MED12L: variants seen among roughly 807,000 people sequenced by gnomAD.
MED12L encodes mediator complex subunit 12L, also known as mediator of RNA polymerase II transcription subunit 12-like protein.
In MED12L, 60 loss-of-function variants were observed where a neutral mutation model predicts 281.3. The ratio of observed to expected loss-of-function variants is 0.21; its 90% CI spans 0.17 to 0.26. The LOEUF is 0.26. Among genes scored for constraint, MED12L ranks in the 10% least tolerant of loss-of-function variants. MED12L has a pLI of 1.00. For missense variants in MED12L, 2,146 were observed against 2,680.9 expected, an observed-to-expected ratio of 0.80 and a Z score of 4.41; for synonymous variants, 974 against 987.2, an observed-to-expected ratio of 0.99 and a Z score of 0.25.
intron 5 of MED12L, among the ~76,000 whole-genome samples, chr3:151,148,648 A>C (rs1381659103): frequency 1.3e-5 from 2 of 152,160 alleles, no homozygotes; most frequent in African/African-American, 4.8e-5. Context: ...TGTCAGGTGG[A>C]TCACCTTAAA....
chr3:151,296,692 C>G (rs1006478436), intron 16 of MED12L, among the ~76,000 whole-genome samples: 1 of 151,946 alleles, frequency 6.6e-6, no homozygotes, highest in Non-Finnish European at 1.5e-5. Context: ...GCCATTTAAG[C>G]ACATTTTATC....
intron 16 of MED12L, chr3:151,338,426 C>A: frequency 3.7e-6 from 6 of 1,613,986 alleles, no homozygotes; most frequent in Non-Finnish European, 5.1e-6. Flanking sequence ...GAATCTTAGC[C>A]CCCAAGAGAT....
intron 5 of MED12L, among the ~76,000 whole-genome samples, chr3:151,129,085 C>A: frequency 6.6e-6 from 1 of 152,068 alleles, no homozygotes; most frequent in East Asian, 1.9e-4. Flanking sequence ...ATAAATAATT[C>A]CTTATGAAAT....
chr3:151,309,119 GCACA>G (rs1177424724), intron 16 of MED12L, among the ~76,000 whole-genome samples: 11 of 144,318 alleles, frequency 7.6e-5, no homozygotes, highest in Admixed American at 2.0e-4. Flanking sequence ...TGAAATACAC[GCACA>G]CACACACACA....
rs1719518872 is a variant in MED12L, at chr3:151,088,063, G to T, written c.99+1038G>T. Among the ~76,000 whole-genome samples the T allele has an allele frequency of 2.0e-5, 3 of 152,148 alleles. No homozygotes were observed. The South Asian group carries it at 6.2e-4, about 32-fold the overall frequency. On this transcript the variant is annotated intron_variant, in intron 2 of 44. Transcript: ENST00000687756. ...TGGGCCCACTGATAGCACAGAAAGGGCCTTGTAAACCAGGCAAGGAGGGGT... is the reference window on the plus strand; with the variant it reads ...TGGGCCCACTGATAGCACAGAAAGGTCCTTGTAAACCAGGCAAGGAGGGGT...
intron 16 of MED12L, among the ~76,000 whole-genome samples, chr3:151,250,588 G>A (rs1736657645): frequency 6.6e-6 from 1 of 152,128 alleles, no homozygotes; most frequent in Admixed American, 6.5e-5. Context: ...CATGCATTTT[G>A]TAGCATGTGA....
chr3:151,132,736 A>T (rs1715578522), intron 5 of MED12L, among the ~76,000 whole-genome samples: 1 of 152,232 alleles, frequency 6.6e-6, no homozygotes, highest in Non-Finnish European at 1.5e-5. Flanking sequence ...CTATATGAAA[A>T]GAGCATGTTT....
intron 42 of MED12L, among the ~76,000 whole-genome samples, chr3:151,415,245 T>C (rs1717411083): frequency 1.3e-5 from 2 of 152,236 alleles, no homozygotes; most frequent in African/African-American, 4.8e-5. Flanking sequence ...AACACATTCT[T>C]CCCTGGAGAT....
intron 16 of MED12L, among the ~76,000 whole-genome samples, chr3:151,218,399 A>G (rs1017199121): frequency 6.6e-6 from 1 of 152,156 alleles, no homozygotes; most frequent in Non-Finnish European, 1.5e-5. Flanking sequence ...CAGTTTGTGT[A>G]GGTGTCTGTT....
intron 16 of MED12L, among the ~76,000 whole-genome samples, chr3:151,238,394 G>A (rs1733374115): frequency 6.6e-6 from 1 of 152,168 alleles, no homozygotes; most frequent in African/African-American, 2.4e-5. Flanking sequence ...TGATCCACCC[G>A]CCTCAGCCTC....
Position 151,381,680 on chromosome 3 carries a change from C to T in MED12L, c.4591-976C>T, listed in dbSNP as rs147042698. 1.8e-4 allele frequency among the ~76,000 whole-genome samples: 28 copies of T among 152,330 alleles called. No homozygotes were observed. In the East Asian group the frequency reaches 5.2e-3, roughly 28 times the overall value. ...ATAGGACCACAGCCATTCTGTATGCCATTGCCATGCCTCAAACCACTTGTT... is the reference window on the plus strand; with the variant it reads ...ATAGGACCACAGCCATTCTGTATGCTATTGCCATGCCTCAAACCACTTGTT... On this transcript the variant is annotated intron_variant, in intron 32 of 44. Transcript: ENST00000687756.
intron 43 of MED12L, chr3:151,425,563 T>G: frequency 2.7e-6 from 1 of 369,792 alleles, no homozygotes; most frequent in Non-Finnish European, 5.6e-6. Context: ...TTTTTGTTTT[T>G]GTTTGTGTGT....
intron 16 of MED12L, among the ~76,000 whole-genome samples, chr3:151,307,750 T>C (rs1048484300): frequency 6.6e-6 from 1 of 152,106 alleles, no homozygotes; most frequent in Admixed American, 6.6e-5. Flanking sequence ...ACACAGATGG[T>C]GAGAGGCAAA....
At chr3:151,286,827 C>T (rs1743574648) in intron 16 of MED12L, among the ~76,000 whole-genome samples, 1 of 152,064 alleles carries the variant, frequency 6.6e-6, no homozygotes, top group South Asian at 2.1e-4. Flanking sequence ...ATTACATGAG[C>T]CATTCTAATT....
At chr3:151,333,717 G>C (rs1232004943) in intron 16 of MED12L, among the ~76,000 whole-genome samples, 1 of 152,150 alleles carries the variant, frequency 6.6e-6, no homozygotes, top group Non-Finnish European at 1.5e-5. Context: ...AAAGTTATTT[G>C]TCAAAATGTT....
In MED12L at chr3:151,186,980, T is replaced by TA. The variant is rs1482145070; in HGVS notation, c.1627-1373dup. Among the ~76,000 whole-genome samples, 133 of 152,330 alleles carry TA rather than the reference T, an allele frequency of 8.7e-4. 2 individuals carry two copies. The highest frequency in any genetic ancestry group is 2.4e-4 in the Non-Finnish European group (16 of 68,032). ...AGCTGGCTCTCTGTGTTGCTGATAT[T>TA]ACACCTCCTTCTTGTGAAGCTAGTA... On this transcript the variant is annotated intron_variant, in intron 12 of 44. Coordinates refer to ENST00000687756, the MANE Select transcript of MED12L (RefSeq NM_001393769.1).
intron 16 of MED12L, among the ~76,000 whole-genome samples, chr3:151,268,460 C>G (rs763764644): frequency 1.5e-4 from 23 of 152,194 alleles, no homozygotes; most frequent in Non-Finnish European, 7.3e-5. Context: ...ACTGGATTAT[C>G]CCTGCCCTAG....
intron 16 of MED12L, chr3:151,338,416 G>A (rs1751336111): frequency 2.5e-6 from 4 of 1,614,118 alleles, no homozygotes; most frequent in Non-Finnish European, 2.5e-6. Context: ...ACAACAGAGA[G>A]AATCTTAGCC....
At chr3:151,138,518 A>G (rs1180312141) in intron 5 of MED12L, among the ~76,000 whole-genome samples, 1 of 152,146 alleles carries the variant, frequency 6.6e-6, no homozygotes, top group Non-Finnish European at 1.5e-5. Flanking sequence ...TTTCCATTTC[A>G]GGATCTTATT....
Sources: allele counts gnomAD v4.1 joint callset (sites outside exome capture counted in the v4.1 genomes callset), GRCh38; gene constraint gnomAD v4.1.1; transcripts MANE v1.5; gene names NCBI Gene and HGNC (gene_info 2026-07-23, HGNC 2026-07-21).